The following ABCD3 variants were observed in gnomAD, a reference collection of about 807,000 sequenced individuals.
ABCD3 encodes ATP binding cassette subfamily D member 3, also known as ATP-binding cassette sub-family D member 3.
In ABCD3, 41 loss-of-function variants were observed where a neutral mutation model predicts 105.5. The ratio of observed to expected loss-of-function variants is 0.39; its 90% CI spans 0.30 to 0.50. The LOEUF is 0.50. Among genes scored for constraint, ABCD3 ranks in the 20% least tolerant of loss-of-function variants. The pLI is 0.84. For synonymous variants in ABCD3, 258 were observed against 269.0 expected (o/e 0.96, Z 0.40); for missense variants, 622 against 806.3 (o/e 0.77, Z 2.77).
At chr1:94,475,584 T>A (rs1648701308) in intron 6 of ABCD3, 30 bp from the exon 7 acceptor site, 7 of 1,600,078 alleles carry the variant, frequency 4.4e-6, no homozygotes, top group Non-Finnish European at 2.6e-6. Flanking sequence ...GTCACTTGTT[T>A]TAAAATCACT....
chr1:94,491,993 G>T (rs2101027996), intron 16 of ABCD3, among the ~76,000 whole-genome samples: 1 of 152,176 alleles, frequency 6.6e-6, no homozygotes, highest in African/African-American at 2.4e-5. Flanking sequence ...CTTTCCCGTA[G>T]AACTTTCTGC....
Position 94,518,509 on chromosome 1 carries a change from A to AC in ABCD3, c.*1380_*1381insC, listed in dbSNP as rs907173386. 1.1e-4 allele frequency: 16 copies of AC among 152,258 alleles called. No homozygotes were observed. The highest frequency in any genetic ancestry group is 3.9e-4 in the African/African-American group (16 of 41,492). 9.4% of individuals were successfully genotyped at this position (152,258 alleles called of 1,614,324 possible). A position where few individuals can be genotyped will look rare whatever the true frequency, so the allele number is the denominator to read the frequency against. ...TTCTGTTCAGATTAAAAAAAAAAAA[A>AC]AAAAACTCAGATATCCTATACAACC... On this transcript the variant is annotated 3_prime_UTR_variant, in exon 23 of 23. Coordinates refer to ENST00000370214, the MANE Select transcript of ABCD3 (RefSeq NM_002858.4).
At chr1:94,511,398 G>A (rs1474485889) in intron 21 of ABCD3, among the ~76,000 whole-genome samples, 6 of 152,050 alleles carry the variant, frequency 3.9e-5, no homozygotes, top group Admixed American at 3.3e-4. Flanking sequence ...TGGGTAACCC[G>A]ACCTTTCTCT....
chr1:94,413,360 A>G, the ABCD3 span, among the ~76,000 whole-genome samples: 2 of 152,206 alleles, frequency 1.3e-5, no homozygotes, highest in African/African-American at 4.8e-5. Context: ...AGTTACTGCA[A>G]TTTAAATAAA....
At chr1:94,469,371 T>TTTACATGATTTTGACTATTGC (rs1553170509) in intron 4 of ABCD3, among the ~76,000 whole-genome samples, 1 of 152,088 alleles carries the variant, frequency 6.6e-6, no homozygotes, top group Non-Finnish European at 1.5e-5. Flanking sequence ...CAATTTATTG[T>TTTACATGATTTTGACTATTGC]TTACATGATT....
At chr1:94,428,353 A>G (rs551663830) in intron 1 of ABCD3, among the ~76,000 whole-genome samples, 36 of 152,288 alleles carry the variant, frequency 2.4e-4, no homozygotes, top group African/African-American at 8.7e-4. Flanking sequence ...TTGGACTTTA[A>G]TATTTTATTA....
intron 1 of ABCD3, among the ~76,000 whole-genome samples, chr1:94,442,348 T>C (rs1467287462): frequency 6.6e-6 from 1 of 152,226 alleles, no homozygotes; most frequent in East Asian, 1.9e-4. Context: ...CACTATTTTA[T>C]AGTTGCTGTG....
upstream of ABCD3, among the ~76,000 whole-genome samples, chr1:94,416,036 G>C (rs1028124448): frequency 2.0e-5 from 3 of 152,148 alleles, no homozygotes; most frequent in African/African-American, 7.2e-5. Context: ...CATGCTTCTT[G>C]AACAAGGGTA....
the ABCD3 span, among the ~76,000 whole-genome samples, chr1:94,410,226 C>T: frequency 5.6e-3 from 849 of 152,294 alleles, 9 homozygotes; most frequent in African/African-American, 0.019. Context: ...CTGGAATTTT[C>T]ACTCTCTTAT....
At chr1:94,477,243 A>G (rs1179789756) in intron 7 of ABCD3, among the ~76,000 whole-genome samples, 2 of 149,584 alleles carry the variant, frequency 1.3e-5, no homozygotes, top group East Asian at 3.9e-4. Context: ...AAAAAAAAAA[A>G]AAAAAAAAAA....
chr1:94,504,929 T>C (rs910869271), intron 20 of ABCD3, among the ~76,000 whole-genome samples: 6 of 152,116 alleles, frequency 3.9e-5, no homozygotes, highest in Admixed American at 6.5e-5. Flanking sequence ...ATGGACTTTT[T>C]AGTTCATTTT....
At chr1:94,488,520 A>G (rs543139151) in intron 13 of ABCD3, among the ~76,000 whole-genome samples, 17 of 152,186 alleles carry the variant, frequency 1.1e-4, no homozygotes, top group East Asian at 5.8e-4. Flanking sequence ...CAGTATTTCA[A>G]TCTCCAATAT....
intron 22 of ABCD3, among the ~76,000 whole-genome samples, chr1:94,516,260 TAGAC>T (rs760674943): frequency 5.3e-5 from 8 of 151,944 alleles, no homozygotes; most frequent in Non-Finnish European, 1.2e-4. Flanking sequence ...CCATGAAAAT[TAGAC>T]AGGTAGCCTA....
chr1:94,516,974 CTG>C, intron 22 of ABCD3, 76 bp from the exon 23 acceptor site: 1 of 984,410 alleles, frequency 1.0e-6, no homozygotes, highest in East Asian at 2.4e-5. Flanking sequence ...ATGAGGAAGT[CTG>C]TATTTTACTT....
At chr1:94,506,864 A>G (rs997426222) in intron 21 of ABCD3, among the ~76,000 whole-genome samples, 31 of 152,010 alleles carry the variant, frequency 2.0e-4, no homozygotes, top group Non-Finnish European at 5.9e-5. Context: ...AGATTTAAAT[A>G]TGTTGTTTTA....
chr1:94,468,572 A>T (rs1260178444), intron 4 of ABCD3, among the ~76,000 whole-genome samples: 1 of 152,204 alleles, frequency 6.6e-6, no homozygotes, highest in African/African-American at 2.4e-5. Flanking sequence ...ATCTTGGGTT[A>T]TAACAATTTA....
intron 4 of ABCD3, among the ~76,000 whole-genome samples, chr1:94,472,651 G>A (rs1648543635): frequency 6.6e-6 from 1 of 151,968 alleles, no homozygotes; most frequent in Non-Finnish European, 1.5e-5. Flanking sequence ...GCTTTGAGAA[G>A]GTCTTTGGTA....
chr1:94,484,306 A>G (rs571408343), intron 10 of ABCD3, among the ~76,000 whole-genome samples: 1 of 152,326 alleles, frequency 6.6e-6, no homozygotes, highest in East Asian at 1.9e-4. Flanking sequence ...CCAAAGGATT[A>G]TAATCATGCT....
intron 1 of ABCD3, among the ~76,000 whole-genome samples, chr1:94,437,851 T>C (rs902670668): frequency 3.3e-5 from 5 of 152,156 alleles, no homozygotes; most frequent in African/African-American, 1.2e-4. Flanking sequence ...TAATGGGATT[T>C]TGGAAGAAGT....
Sources: allele counts gnomAD v4.1 joint callset (sites outside exome capture counted in the v4.1 genomes callset), GRCh38; gene constraint gnomAD v4.1.1; transcripts MANE v1.5; gene names NCBI Gene and HGNC (gene_info 2026-07-23, HGNC 2026-07-21).